HELQ: variants seen among roughly 807,000 people sequenced by gnomAD.
The protein encoded by HELQ is helicase, POLQ like.
Under a neutral mutation model 111.6 loss-of-function variants are expected in HELQ, and 77 were observed. That is an observed-to-expected ratio of 0.69 (90% confidence interval 0.57 to 0.83). HELQ has a LOEUF of 0.83. Ranked by LOEUF, HELQ falls within the 40% of genes least tolerant of loss-of-function variation. The pLI is 0.00. For missense variants in HELQ, 1,200 were observed against 1,288.5 expected, an observed-to-expected ratio of 0.93 and a Z score of 1.05; for synonymous variants, 438 against 454.7, an observed-to-expected ratio of 0.96 and a Z score of 0.47.
At position 83,441,368 on chromosome 4, in the gene HELQ, T is replaced by G; in HGVS notation, c.1599A>C (p.Thr533=). 1 of 1,584,040 alleles carries G rather than the reference T, an allele frequency of 6.3e-7. No individual in the cohort carries two copies. ...CAGCTTTGCTGTCAACTTCATATAT[T>G]GTATCATTTATTTTCAGATATTCTT... The part of the protein sequence containing the change: ...ELKEYLKIND[T]IYEVDSKAEN... Residue 533 remains threonine, a synonymous_variant, in exon 7 of 18, where the codon ACA becomes ACC. Coordinates refer to ENST00000295488, the MANE Select transcript of HELQ (RefSeq NM_133636.5).
chr4:83,436,329 A>C (rs1279660696), intron 9 of HELQ, among the ~76,000 whole-genome samples: 1 of 152,184 alleles, frequency 6.6e-6, no homozygotes, highest in African/African-American at 2.4e-5. Flanking sequence ...ACACTCATGG[A>C]AAGTTTATAA....
chr4:83,448,610 C>T (rs993078707), intron 3 of HELQ, among the ~76,000 whole-genome samples, 173 bp downstream of exon 3: 10 of 148,154 alleles, frequency 6.7e-5, no homozygotes, highest in African/African-American at 2.5e-4. Flanking sequence ...GCGGAGGTTG[C>T]AGTGAGCCAA....
At position 83,427,549 on chromosome 4, in the gene HELQ, C is replaced by T. The variant is rs370068911; in HGVS notation, c.2676+14G>A. On this transcript the variant is annotated intron_variant, in intron 13 of 17. Transcript: ENST00000295488. ...AAACGAAGTAGCCTAAGTTGAAAAA[C>T]GTTATATTCTCACCTGCCTGAAGTA... 1.1e-5 allele frequency: 17 copies of T among 1,498,626 alleles called. No individual in the cohort carries two copies. In the African/African-American group the frequency reaches 1.2e-4, roughly 10 times the overall value. 92.8% of individuals were successfully genotyped at this position (1,498,626 alleles called of 1,614,324 possible).
chr4:83,450,424 C>A (rs1721297020), intron 2 of HELQ, among the ~76,000 whole-genome samples: 1 of 150,954 alleles, frequency 6.6e-6, no homozygotes, highest in Non-Finnish European at 1.5e-5. Flanking sequence ...ACTTATTGTG[C>A]TTTTGGGTGA....
At chr4:83,422,940 T>C (rs989484388) in intron 14 of HELQ, among the ~76,000 whole-genome samples, 7 of 152,314 alleles carry the variant, frequency 4.6e-5, no homozygotes, top group South Asian at 4.1e-4. Flanking sequence ...GATTTCCACA[T>C]GGTCCAAGCT....
intron 9 of HELQ, among the ~76,000 whole-genome samples, chr4:83,435,768 T>G (rs1382462868): frequency 6.6e-6 from 1 of 152,152 alleles, no homozygotes; most frequent in Non-Finnish European, 1.5e-5. Context: ...CTAAGCCTCT[T>G]TTTATGTTCA....
intron 2 of HELQ, among the ~76,000 whole-genome samples, chr4:83,449,223 G>C (rs770125288): frequency 2.0e-5 from 3 of 152,182 alleles, no homozygotes; most frequent in Non-Finnish European, 4.4e-5. Context: ...TATTACAGCA[G>C]GGCAGGTAGC....
chr4:83,451,663 C>CAAA (rs1388595459), intron 2 of HELQ, among the ~76,000 whole-genome samples: 143 of 130,576 alleles, frequency 1.1e-3, no homozygotes, highest in African/African-American at 5.5e-3. Flanking sequence ...GACTCCGTCT[C>CAAA]AAAAAAAAAC....
chr4:83,453,622 C>G lies in HELQ; in HGVS notation c.621G>C (p.Gln207His), dbSNP rs1427983320. The change falls in exon 2 of 18, where the codon CAG (glutamine) becomes CAC (histidine). Residue 207 changes from glutamine (Q) to histidine (H), a missense_variant. This residue lies in a region of HELQ where 610 missense variants were observed against 607.1 expected (regional missense o/e 1.00). Transcript: ENST00000295488. The stretch of plus-strand genomic sequence containing the variant: ...GATCACCCAAATCATTTGAAGAGTT[C>G]TGCAAATTTTCAAAGTATATAGCCT... ...SSQAIYFENL[Q>H]NSSNDLGDHS... 1.9e-6 allele frequency: 3 copies of G among 1,613,060 alleles called. No homozygotes were observed. Among genetic ancestry groups the G allele is most frequent in the South Asian group, 1.1e-5 (1 of 91,050 alleles).
intron 3 of HELQ, among the ~76,000 whole-genome samples, chr4:83,447,341 T>C (rs1721108031): frequency 6.6e-6 from 1 of 151,614 alleles, no homozygotes; most frequent in Non-Finnish European, 1.5e-5. Context: ...AGCAAGACCC[T>C]GACTCAAAAA....
At chr4:83,445,688 A>C (rs184906556) in intron 5 of HELQ, among the ~76,000 whole-genome samples, 6 of 152,346 alleles carry the variant, frequency 3.9e-5, no homozygotes, top group Admixed American at 3.9e-4. Flanking sequence ...TGCTGAATGC[A>C]ATACATGTGT....
intron 5 of HELQ, among the ~76,000 whole-genome samples, chr4:83,444,908 C>T (rs1195470303): frequency 6.6e-6 from 1 of 152,104 alleles, no homozygotes; most frequent in Non-Finnish European, 1.5e-5. Flanking sequence ...ATTCTTCTTG[C>T]GCTAAAGAAA....
chr4:83,436,675 A>G (rs986226960), intron 9 of HELQ, among the ~76,000 whole-genome samples, 183 bp downstream of exon 9: 7 of 152,266 alleles, frequency 4.6e-5, no homozygotes, highest in African/African-American at 1.2e-4. Context: ...ATTTTTCATT[A>G]CATATTTCAT....
chr4:83,407,700 G>T (rs188233456), intron 17 of HELQ, 140 bp from the exon 18 acceptor site: 4 of 608,954 alleles, frequency 6.6e-6, no homozygotes, highest in Non-Finnish European at 1.2e-5. Context: ...TTGAAAAATG[G>T]CCACTTAAGA....
At chr4:83,412,912 G>C (rs4546234) in intron 17 of HELQ, among the ~76,000 whole-genome samples, 3,492 of 152,314 alleles carry the variant, frequency 0.023, 71 homozygotes, top group Admixed American at 0.066. Flanking sequence ...AGAAGAATCT[G>C]AACAGACGGG....
intron 1 of HELQ, 112 bp from the exon 2 acceptor site, chr4:83,454,057 AG>A: frequency 4.3e-6 from 3 of 703,450 alleles, no homozygotes; most frequent in Non-Finnish European, 7.3e-6. Flanking sequence ...TACAAAAATT[AG>A]CCGGGCATAG....
chr4:83,446,933 A>C lies in HELQ; in HGVS notation c.1294T>G (p.Ser432Ala), dbSNP rs774500904. The C allele has an allele frequency of 6.2e-7, 1 of 1,612,476 alleles. No homozygotes were observed. The highest frequency in any genetic ancestry group is 1.1e-5 in the South Asian group (1 of 91,050). ...FPPTKRREKK[S>A]LYIATIEKGH... ...TTTTCAATAGTGGCAATATAGAGTGATTTCTTTTCCCTTCTTTTAGTTGGA... is the reference window on the plus strand; with the variant it reads ...TTTTCAATAGTGGCAATATAGAGTGCTTTCTTTTCCCTTCTTTTAGTTGGA... The change falls in exon 4 of 18, where the codon TCA becomes GCA. Residue 432 changes from serine to alanine, a missense_variant. Physicochemically the swap from Ser to Ala is moderately conservative, Grantham distance 99. Coordinates refer to ENST00000295488, the MANE Select transcript of HELQ (RefSeq NM_133636.5).
intron 16 of HELQ, among the ~76,000 whole-genome samples, chr4:83,417,077 G>C (rs1318072212): frequency 6.6e-6 from 1 of 152,148 alleles, no homozygotes; most frequent in Non-Finnish European, 1.5e-5. Flanking sequence ...GTTCTATGCA[G>C]CTTGAGTCAA....
intron 12 of HELQ, among the ~76,000 whole-genome samples, chr4:83,428,941 A>G (rs1470959708): frequency 6.6e-6 from 1 of 152,144 alleles, no homozygotes; most frequent in Non-Finnish European, 1.5e-5. Context: ...CCAAATTGTT[A>G]TTCTTGGTAG....
Sources: allele counts gnomAD v4.1 joint callset (sites outside exome capture counted in the v4.1 genomes callset), GRCh38; gene constraint gnomAD v4.1.1; regional missense constraint gnomAD v4.1.1; transcripts MANE v1.5; gene names NCBI Gene and HGNC (gene_info 2026-07-23, HGNC 2026-07-21).